KIRREL3: variants seen among roughly 807,000 people sequenced by gnomAD.
The protein encoded by KIRREL3 is kirre like nephrin family adhesion molecule 3.
In KIRREL3, 36 loss-of-function variants were observed where a neutral mutation model predicts 89.7. The ratio of observed to expected loss-of-function variants is 0.40; its 90% CI spans 0.31 to 0.53. The LOEUF is 0.53. Among genes scored for constraint, KIRREL3 ranks in the 20% least tolerant of loss-of-function variants. The probability of loss-of-function intolerance (pLI) is 0.49; values close to 1 mark genes in which losing one functional copy is unlikely to be tolerated. For synonymous variants in KIRREL3, 445 were observed against 441.4 expected, an observed-to-expected ratio of 1.01 and a Z score of -0.10; for missense variants, 864 against 1,056.6, an observed-to-expected ratio of 0.82 and a Z score of 2.53.
chr11:126,513,470 C>A lies in KIRREL3; in HGVS notation c.433+7845G>T, dbSNP rs1306888699. Among the ~76,000 whole-genome samples the A allele has an allele frequency of 6.6e-6, 1 of 152,112 alleles. No individual in the cohort carries two copies. Among genetic ancestry groups the A allele is most frequent in the Non-Finnish European group, 1.5e-5 (1 of 68,012 alleles). On this transcript the variant is annotated intron_variant, in intron 4 of 16. Coordinates refer to ENST00000525144, the MANE Select transcript of KIRREL3 (RefSeq NM_032531.4). This position sits in a 1 kb window ranked among gnomAD's most constrained non-coding sequence, Gnocchi z 5.9. ...CTGCCTGCCCTTCTCCACACTCAGGCAGGGAAGGGAAAAGATGCGCTGAGT... is the reference window on the plus strand; with the variant it reads ...CTGCCTGCCCTTCTCCACACTCAGGAAGGGAAGGGAAAAGATGCGCTGAGT...
chr11:126,632,193 C>T (rs151335537), intron 1 of KIRREL3, among the ~76,000 whole-genome samples: 1 of 152,312 alleles, frequency 6.6e-6, no homozygotes, highest in East Asian at 1.9e-4. Context: ...ACTTTGAGGA[C>T]CACAGATATA....
chr11:126,902,191 T>C (rs754704189), intron 1 of KIRREL3, among the ~76,000 whole-genome samples: 20 of 152,188 alleles, frequency 1.3e-4, no homozygotes, highest in Non-Finnish European at 2.5e-4. Flanking sequence ...CTTGGCCTGA[T>C]AGCTCGTCCA....
chr11:126,460,120 G>A (rs1565473065), intron 6 of KIRREL3, among the ~76,000 whole-genome samples: 1 of 152,148 alleles, frequency 6.6e-6, no homozygotes, highest in Admixed American at 6.5e-5. Flanking sequence ...AGGAGGAGGG[G>A]GAAGGGGGGA....
At chr11:126,866,178 G>C (rs1944913012) in intron 1 of KIRREL3, among the ~76,000 whole-genome samples, 1 of 152,216 alleles carries the variant, frequency 6.6e-6, no homozygotes, top group Non-Finnish European at 1.5e-5. Flanking sequence ...AGGCCGACTG[G>C]GTTTTCTTCC....
rs1027579238 is a variant in KIRREL3, at chr11:126,763,108, C to T, written c.56-200196G>A. 5.3e-5 allele frequency among the ~76,000 whole-genome samples: 8 copies of T among 152,270 alleles called. No homozygotes were observed. Among genetic ancestry groups the T allele is most frequent in the Non-Finnish European group, 7.3e-5 (5 of 68,034 alleles). ...CAACTTCCAAACACATTCCTATCCTCGTCTGGCATTGAGAGAAGAGTGCAG... is the reference window on the plus strand; with the variant it reads ...CAACTTCCAAACACATTCCTATCCTTGTCTGGCATTGAGAGAAGAGTGCAG... On this transcript the variant is annotated intron_variant, in intron 1 of 16. Transcript: ENST00000525144. The surrounding 1 kb of genome is among the most constrained non-coding windows in gnomAD (Gnocchi z 4.7).
intron 5 of KIRREL3, among the ~76,000 whole-genome samples, chr11:126,469,835 G>T (rs533924579): frequency 9.8e-5 from 15 of 152,364 alleles, no homozygotes; most frequent in African/African-American, 3.4e-4. Flanking sequence ...GCCACAGAGG[G>T]GCAGGAGACC....
rs1429849039 is a variant in KIRREL3, at chr11:126,522,574, T to A, written c.284-1110A>T. Among the ~76,000 whole-genome samples the A allele has an allele frequency of 6.6e-6, 1 of 152,226 alleles. No individual in the cohort carries two copies. Among genetic ancestry groups the A allele is most frequent in the Non-Finnish European group, 1.5e-5 (1 of 68,038 alleles). ...ATAGATAAATAAAAGTTTGAGAATA[T>A]AAATCATTAATCAGCGTTCCTGCTG... On this transcript the variant is annotated intron_variant, in intron 3 of 16. Transcript: ENST00000525144. This position sits in a 1 kb window ranked among gnomAD's most constrained non-coding sequence, Gnocchi z 6.0.
chr11:126,800,806 G>A (rs1951008149), intron 1 of KIRREL3, among the ~76,000 whole-genome samples: 1 of 152,200 alleles, frequency 6.6e-6, no homozygotes, highest in Admixed American at 6.5e-5. Context: ...CAATGAGTGA[G>A]CAAACTAGAA....
intron 1 of KIRREL3, among the ~76,000 whole-genome samples, chr11:126,945,280 C>G (rs1948586083): frequency 6.6e-6 from 1 of 152,184 alleles, no homozygotes; most frequent in Non-Finnish European, 1.5e-5. Context: ...GTGTCTATAG[C>G]TTTTCAGCTA....
chr11:126,877,056 G>A lies in KIRREL3; in HGVS notation c.55+123399C>T, dbSNP rs113848750. Among the ~76,000 whole-genome samples the A allele has an allele frequency of 0.014, 2,072 of 152,294 alleles. 48 individuals are homozygous for A. Among genetic ancestry groups the A allele is most frequent in the African/African-American group, 0.047 (1,951 of 41,558 alleles). On this transcript the variant is annotated intron_variant, in intron 1 of 16. Coordinates refer to ENST00000525144, the MANE Select transcript of KIRREL3 (RefSeq NM_032531.4). The surrounding 1 kb of genome is among the most constrained non-coding windows in gnomAD (Gnocchi z 4.9). The stretch of plus-strand genomic sequence containing the variant: ...CATAAGAATAAAGGTTGGTTGTGGC[G>A]CTTGGCCAAAGCAGGGCTGGGGACC...
Position 126,703,562 on chromosome 11 carries a change from G to A in KIRREL3, c.56-140650C>T, listed in dbSNP as rs61370789. ...CAAAGGAATTAAGTGATCGGTCAGA[G>A]GTCAGTCAGATCGGGAGTGATGGGG... On this transcript the variant is annotated intron_variant, in intron 1 of 16. Transcript: ENST00000525144. The surrounding 1 kb of genome is among the most constrained non-coding windows in gnomAD (Gnocchi z 4.6). 2.6e-3 allele frequency among the ~76,000 whole-genome samples: 390 copies of A among 152,354 alleles called. 8 individuals carry two copies. The East Asian group carries it at 0.048, about 19-fold the overall frequency.
rs1433583374 is a variant in KIRREL3, at chr11:126,723,166, C to A, written c.56-160254G>T. Among the ~76,000 whole-genome samples the A allele has an allele frequency of 6.6e-6, 1 of 151,676 alleles. No homozygotes were observed. Among genetic ancestry groups the A allele is most frequent in the Non-Finnish European group, 1.5e-5 (1 of 67,998 alleles). On this transcript the variant is annotated intron_variant, in intron 1 of 16. Coordinates refer to ENST00000525144, the MANE Select transcript of KIRREL3 (RefSeq NM_032531.4). This position sits in a 1 kb window ranked among gnomAD's most constrained non-coding sequence, Gnocchi z 4.0. The stretch of plus-strand genomic sequence containing the variant: ...GTTCGTCTCCGTCCCAGGCATCTAT[C>A]TCAGAGCCTGCAGCCCTGACACATT...
chr11:126,629,939 T>G (rs886629725), intron 1 of KIRREL3, among the ~76,000 whole-genome samples: 3 of 152,204 alleles, frequency 2.0e-5, no homozygotes, highest in African/African-American at 7.2e-5. Context: ...GTCCCTTTAT[T>G]AAACTCTCCA....
rs10561880 is a variant in KIRREL3 at position 126,998,916 on chromosome 11, AGTGTGTGTGTGTGT to A, written c.55+1525_55+1538del. Among the ~76,000 whole-genome samples, 576 of 141,342 alleles carry A rather than the reference AGTGTGTGTGTGTGT, an allele frequency of 4.1e-3. 1 individual carries two copies. The highest frequency in any genetic ancestry group is 7.3e-3 in the African/African-American group (281 of 38,254). 92.7% of individuals were successfully genotyped at this position (141,342 alleles called of 152,430 possible). A position where few individuals can be genotyped will look rare whatever the true frequency, so the allele number is the denominator to read the frequency against. ...CTGGTAAGAAGCAAAGACGAATGGGAGTGTGTGTGTGTGTGTGTGTGTGTGTGTGTGTGTGTGTG... is the reference window on the plus strand; with the variant it reads ...CTGGTAAGAAGCAAAGACGAATGGGAGTGTGTGTGTGTGTGTGTGTGTGTG... On this transcript the variant is annotated intron_variant, in intron 1 of 16. Coordinates refer to ENST00000525144, the MANE Select transcript of KIRREL3 (RefSeq NM_032531.4).
rs114214718 is a variant in KIRREL3, at chr11:126,973,520, T to C, written c.55+26935A>G. 5.0e-3 allele frequency among the ~76,000 whole-genome samples: 755 copies of C among 152,302 alleles called. 3 individuals are homozygous for C. The highest frequency in any genetic ancestry group is 0.017 in the African/African-American group (715 of 41,564). On this transcript the variant is annotated intron_variant, in intron 1 of 16. Transcript: ENST00000525144. ...CCATTTCTGTTACAGACTATCATGG[T>C]GACCCTAAGAAAGTCACTTCACCTC...
rs930221101 is a variant in KIRREL3 at position 126,643,124 on chromosome 11, A to G, written c.56-80212T>C. Among the ~76,000 whole-genome samples the G allele has an allele frequency of 1.3e-5, 2 of 152,160 alleles. No individual in the cohort carries two copies. The highest frequency in any genetic ancestry group is 2.9e-5 in the Non-Finnish European group (2 of 68,020). Reference sequence around the variant, plus strand: ...TGGAAAACTGAGTCTGCCACTTACTAATTCTGTAATATTGGGCAGAAAATG... The same window carrying G: ...TGGAAAACTGAGTCTGCCACTTACTGATTCTGTAATATTGGGCAGAAAATG... On this transcript the variant is annotated intron_variant, in intron 1 of 16. Transcript: ENST00000525144. The surrounding 1 kb of genome is among the most constrained non-coding windows in gnomAD (Gnocchi z 4.5).
chr11:126,434,624 CCTGATT>C (rs1206746716), intron 13 of KIRREL3, among the ~76,000 whole-genome samples: 1 of 152,192 alleles, frequency 6.6e-6, no homozygotes, highest in Non-Finnish European at 1.5e-5. Flanking sequence ...GCTTGCTGGT[CCTGATT>C]CTCTTTTCTG....
chr11:126,901,537 G>T (rs1164154337), intron 1 of KIRREL3, among the ~76,000 whole-genome samples: 1 of 152,180 alleles, frequency 6.6e-6, no homozygotes, highest in Admixed American at 6.5e-5. Flanking sequence ...AACGATGGAG[G>T]ATACTGTCTG....
rs375375610 is a variant in KIRREL3 at position 126,625,047 on chromosome 11, G to C, written c.56-62135C>G. Among the ~76,000 whole-genome samples the C allele has an allele frequency of 3.1e-3, 469 of 152,282 alleles. 1 individual carries two copies. Among genetic ancestry groups the C allele is most frequent in the Middle Eastern group, 6.8e-3 (2 of 294 alleles). ...ATACCATACCCTGTTTCAGGGAACA[G>C]GGTGGGTTTTCTCCCCTCTCCAGTT... On this transcript the variant is annotated intron_variant, in intron 1 of 16. Transcript: ENST00000525144.
Sources: gnomAD v4.1 joint callset for allele counts (sites outside exome capture counted in the v4.1 genomes callset) on GRCh38, gnomAD v4.1.1 for gene constraint, Gnocchi (gnomAD v3.1) non-coding constraint, MANE v1.5 for transcripts, NCBI Gene and HGNC (gene_info 2026-07-23, HGNC 2026-07-21) for gene names.